The following IRAK2 variants were observed in gnomAD, a reference collection of about 807,000 sequenced individuals.
IRAK2 encodes the protein interleukin 1 receptor associated kinase 2, also known as interleukin-1 receptor-associated kinase-like 2.
In IRAK2, 57 loss-of-function variants were observed where a neutral mutation model predicts 72.0. The observed-to-expected ratio is 0.79, with a 90% confidence interval of 0.64 to 0.99. The LOEUF is 0.99. Among genes scored for constraint, IRAK2 ranks in the 50% least tolerant of loss-of-function variants. IRAK2 has a pLI of 0.00. For missense variants in IRAK2, 790 were observed against 794.4 expected (o/e 0.99, Z 0.07); for synonymous variants, 293 against 312.7 (o/e 0.94, Z 0.67).
chr3:10,200,206 G>A (rs1306962626), intron 2 of IRAK2, among the ~76,000 whole-genome samples, 163 bp from the exon 3 acceptor site: 1 of 152,064 alleles, frequency 6.6e-6, no homozygotes, highest in African/African-American at 2.4e-5. Context: ...TTTACAGATG[G>A]GGAGGCCGGG....
chr3:10,181,271 C>G (rs1169671), intron 2 of IRAK2, among the ~76,000 whole-genome samples: 52,667 of 151,794 alleles, frequency 0.35, 9,590 homozygotes, highest in Admixed American at 0.45. Flanking sequence ...ATTCCCCCTG[C>G]GAAAGTTGTC....
chr3:10,204,544 T>A (rs1332650000), intron 3 of IRAK2, among the ~76,000 whole-genome samples: 3 of 151,988 alleles, frequency 2.0e-5, no homozygotes, highest in African/African-American at 7.3e-5. Flanking sequence ...AGGTCAGGAG[T>A]TCGAGACCAG....
intron 2 of IRAK2, among the ~76,000 whole-genome samples, chr3:10,186,818 A>T (rs1697082027): frequency 7.1e-6 from 1 of 141,296 alleles, no homozygotes; most frequent in Admixed American, 7.1e-5. Flanking sequence ...TAGAGACAGA[A>T]TCTCGCTTTG....
chr3:10,216,508 G>C (rs696322), intron 6 of IRAK2, among the ~76,000 whole-genome samples: 9,942 of 152,118 alleles, frequency 0.065, 505 homozygotes, highest in East Asian at 0.2. Context: ...CCAGGAAAGA[G>C]TGGTCAGAGA....
At position 10,213,222 on chromosome 3, in the gene IRAK2, A is replaced by G; in HGVS notation, c.544A>G (p.Ile182Val). The change falls in exon 5 of 13, where the codon ATT becomes GTT. Residue 182 changes from isoleucine (I) to valine (V), a missense_variant. By Grantham distance (29) the Ile-to-Val change is conservative. Coordinates refer to ENST00000256458, the MANE Select transcript of IRAK2 (RefSeq NM_001570.4). ...SSDSKDFSTS[I>V]PKQEKLLSLA... is the part of the protein sequence containing the mutation. Reference sequence around the variant, plus strand: ...GGGTCTCCAGGACTTCAGCACCTCCATTCCTAAGCAGGAAAAACTTTTGAG... The same window carrying G: ...GGGTCTCCAGGACTTCAGCACCTCCGTTCCTAAGCAGGAAAAACTTTTGAG... The G allele has an allele frequency of 6.2e-7, 1 of 1,614,082 alleles. No homozygotes were observed. Among genetic ancestry groups the G allele is most frequent in the Non-Finnish European group, 8.5e-7 (1 of 1,179,992 alleles).
At chr3:10,225,291 G>A (rs1023418002) in intron 9 of IRAK2, among the ~76,000 whole-genome samples, 9 of 152,106 alleles carry the variant, frequency 5.9e-5, no homozygotes, top group Non-Finnish European at 1.2e-4. Context: ...ACAACTGCTA[G>A]TCCCCATTTA....
chr3:10,173,819 C>T (rs75251665), intron 1 of IRAK2, among the ~76,000 whole-genome samples: 2,806 of 151,946 alleles, frequency 0.018, 87 homozygotes, highest in African/African-American at 0.065. Flanking sequence ...AGCAAGACTC[C>T]GTCTGAAAAA....
At chr3:10,211,517 G>A (rs559664545) in intron 4 of IRAK2, among the ~76,000 whole-genome samples, 2 of 152,228 alleles carry the variant, frequency 1.3e-5, no homozygotes, top group African/African-American at 4.8e-5. Context: ...ACTTGGGGGC[G>A]CTGAGATGAA....
intron 11 of IRAK2, among the ~76,000 whole-genome samples, chr3:10,235,339 TTC>T (rs1288529471): frequency 6.6e-6 from 1 of 151,916 alleles, no homozygotes; most frequent in Non-Finnish European, 1.5e-5. Flanking sequence ...CAGAGTCTCC[TTC>T]TGTCGCCCAG....
chr3:10,188,268 C>T (rs1468183182), intron 2 of IRAK2, among the ~76,000 whole-genome samples: 2 of 152,136 alleles, frequency 1.3e-5, no homozygotes, highest in Non-Finnish European at 2.9e-5. Context: ...TGAAATTCTC[C>T]CTCTGCCCTG....
rs147790192 is a variant in IRAK2, at chr3:10,200,376, G to A, written c.285G>A (p.Pro95=). ...TTTCCACCTTGTTTTCAGGGAAACC[G>A]GCTCCTGAAATCAGGTGTCCCATTC... ...RAAQIILNWK[P]APEIRCPIPA... is the part of the protein sequence containing the mutation. The change falls in exon 3 of 13, where the codon CCG becomes CCA. Residue 95 remains proline (P), a synonymous_variant. Transcript: ENST00000256458. The A allele has an allele frequency of 1.1e-5, 18 of 1,582,970 alleles. No homozygotes were observed. In the East Asian group the frequency reaches 1.6e-4, roughly 14 times the overall value.
At position 10,216,788 on chromosome 3, in the gene IRAK2, C is replaced by T. The variant is rs1271624487; in HGVS notation, c.789-146C>T. ...CAGTTTTCATCTTTCCACCCTGGGG[C>T]CAGGCCCTTAGGGGTCAGAGTATGT... On this transcript the variant is annotated intron_variant, in intron 6 of 12. Coordinates refer to ENST00000256458, the MANE Select transcript of IRAK2 (RefSeq NM_001570.4). 3 of 639,202 alleles carry T rather than the reference C, an allele frequency of 4.7e-6. No individual in the cohort carries two copies. The East Asian group carries it at 8.2e-5, about 17-fold the overall frequency. 39.6% of individuals were successfully genotyped at this position (639,202 alleles called of 1,614,324 possible).
intron 1 of IRAK2, 142 bp downstream of exon 1, chr3:10,165,190 G>A: frequency 1.5e-6 from 1 of 679,868 alleles, no homozygotes; most frequent in Non-Finnish European, 2.4e-6. Flanking sequence ...CTCCTGGACC[G>A]GGTCCGCCGC....
Position 10,203,491 on chromosome 3 carries a change from A to G in IRAK2, c.424+2976A>G, listed in dbSNP as rs1697395169. ...ACCCCAAGGTTCCACTGAGCCCCAG[A>G]GTTCAAACTCATCAATTATCTTAAA... is the stretch of plus-strand genomic sequence containing the variant. On this transcript the variant is annotated intron_variant, in intron 3 of 12. Transcript: ENST00000256458. Among the ~76,000 whole-genome samples the G allele has an allele frequency of 2.0e-5, 3 of 152,238 alleles. No homozygotes were observed. The South Asian group carries it at 6.2e-4, about 32-fold the overall frequency.
intron 10 of IRAK2, 78 bp from the exon 11 acceptor site, chr3:10,234,380 TG>T: frequency 1.7e-6 from 2 of 1,211,598 alleles, no homozygotes; most frequent in Non-Finnish European, 1.2e-6. Context: ...TTTGCAGCTC[TG>T]GAGGTGAGTG....
At chr3:10,207,325 T>C (rs1226290551) in intron 3 of IRAK2, among the ~76,000 whole-genome samples, 10 of 152,238 alleles carry the variant, frequency 6.6e-5, no homozygotes, top group African/African-American at 2.4e-4. Flanking sequence ...CACAAATACC[T>C]GAAGCAGGTA....
intron 2 of IRAK2, among the ~76,000 whole-genome samples, chr3:10,182,500 C>T (rs1462251699): frequency 6.6e-6 from 1 of 151,816 alleles, no homozygotes; most frequent in Admixed American, 6.6e-5. Context: ...CCAGGATGGT[C>T]TCGATCTCCT....
At chr3:10,203,583 T>C (rs1242540350) in intron 3 of IRAK2, among the ~76,000 whole-genome samples, 2 of 152,198 alleles carry the variant, frequency 1.3e-5, no homozygotes, top group Admixed American at 1.3e-4. Context: ...GGCTCCCCCT[T>C]GCAGTAGGTG....
chr3:10,225,783 C>A (rs765852037), intron 9 of IRAK2, among the ~76,000 whole-genome samples: 1 of 151,358 alleles, frequency 6.6e-6, no homozygotes, highest in Non-Finnish European at 1.5e-5. Context: ...ACTGCAAGAT[C>A]CACCTCCCAG....
Sources: allele counts gnomAD v4.1 joint callset (sites outside exome capture counted in the v4.1 genomes callset), GRCh38; gene constraint gnomAD v4.1.1; transcripts MANE v1.5; gene names NCBI Gene and HGNC (gene_info 2026-07-23, HGNC 2026-07-21).